OR10G8: variants seen among roughly 807,000 people sequenced by gnomAD.
The protein encoded by OR10G8 is olfactory receptor family 10 subfamily G member 8.
For synonymous variants in OR10G8, 173 were observed against 163.2 expected (o/e 1.06, Z -0.46); for missense variants, 386 against 384.9 (o/e 1.00, Z -0.02).
At position 124,030,576 on chromosome 11, in the gene OR10G8, A is replaced by G. The variant is rs1864150496; in HGVS notation, c.*18A>G. 1.3e-6 allele frequency: 2 copies of G among 1,537,830 alleles called. No homozygotes were observed. Among genetic ancestry groups the G allele is most frequent in the South Asian group, 1.3e-5 (1 of 78,286 alleles). The stretch of plus-strand genomic sequence containing the variant: ...GCAAATAGACACTAGGGAAGATTAC[A>G]TATCTTAGCTCTTGTGAATAGTGCT... On this transcript the variant is annotated 3_prime_UTR_variant, in exon 2 of 2. Transcript: ENST00000641224.
chr11:124,026,949 A>T (rs1179458179), intron 1 of OR10G8, 82 bp downstream of exon 1: 1 of 151,844 alleles, frequency 6.6e-6, no homozygotes, highest in African/African-American at 2.4e-5. Flanking sequence ...TAAATAAAAA[A>T]CTCTAAGGAA....
In OR10G8 at chr11:124,030,527, A is replaced by G. The variant is rs1322800347; in HGVS notation, c.905A>G (p.Lys302Arg). The G allele has an allele frequency of 6.2e-7, 1 of 1,602,156 alleles. No individual in the cohort carries two copies. The highest frequency in any genetic ancestry group is 8.5e-7 in the Non-Finnish European group (1 of 1,175,776). ...KEVKKALLKLKDKVAHSQSK is the reference protein window; with the variant it reads ...KEVKKALLKLRDKVAHSQSK ...GTGAAGAAAGCTCTGTTGAAGCTGA[A>G]AGACAAAGTAGCACATTCTCAGAGC... is the stretch of plus-strand genomic sequence containing the variant. The change falls in exon 2 of 2, where the codon AAA (lysine) becomes AGA (arginine). Residue 302 changes from lysine (K) to arginine (R), a missense_variant. By Grantham distance (26) the Lys-to-Arg change is conservative (BLOSUM62 2). Coordinates refer to ENST00000641224, the MANE Select transcript of OR10G8 (RefSeq NM_001004464.2).
rs1459305786 is a variant in OR10G8, at chr11:124,029,764, A to C, written c.142A>C (p.Arg48=). 1 of 1,613,982 alleles carries C rather than the reference A, an allele frequency of 6.2e-7. No homozygotes were observed. The highest frequency in any genetic ancestry group is 1.7e-5 in the Admixed American group (1 of 60,012). ...GAACCTCCTCATCCTGCTGGTGATC[A>C]GGGTGGATTCTCACCTCCACACCAC... ...LGNLLILLVI[R]VDSHLHTTMY... is the part of the protein sequence containing the mutation. Residue 48 remains arginine, a synonymous_variant, in exon 2 of 2, where the codon AGG becomes CGG. Transcript: ENST00000641224.
At position 124,030,350 on chromosome 11, in the gene OR10G8, A is replaced by C; in HGVS notation, c.728A>C (p.His243Pro). Residue 243 changes from histidine (H) to proline (P), a missense_variant, in exon 2 of 2, where the codon CAC (histidine) becomes CCC (proline). Transcript: ENST00000641224. ...AGAGCCTTTCAGACCTGTGCCTCCC[A>C]CTGTATCGTGGTCCTTTGCTTCTTT... ...KHRAFQTCASHCIVVLCFFGP... is the reference protein window; with the variant it reads ...KHRAFQTCASPCIVVLCFFGP... 2 of 1,614,152 alleles carry C rather than the reference A, an allele frequency of 1.2e-6. No individual in the cohort carries two copies. Among genetic ancestry groups the C allele is most frequent in the Admixed American group, 1.7e-5 (1 of 60,030 alleles).
At chr11:124,029,249 A>G (rs1008914761) in intron 1 of OR10G8, among the ~76,000 whole-genome samples, 2 of 152,060 alleles carry the variant, frequency 1.3e-5, no homozygotes, top group South Asian at 2.1e-4. Context: ...GTTGATTAAA[A>G]CCTGATGAGA....
Position 124,029,872 on chromosome 11 carries a change from G to A in OR10G8, c.250G>A (p.Val84Met), listed in dbSNP as rs755785992. Residue 84 changes from valine (V) to methionine (M), a missense_variant, in exon 2 of 2, where the codon GTG becomes ATG. Transcript: ENST00000641224. ...VTVPKLLMTL[V>M]FPSGRAISFH... ...GGTGCCCAAATTGCTGATGACTTTG[G>A]TGTTCCCAAGTGGCAGGGCTATCTC... is the stretch of plus-strand genomic sequence containing the variant. 19 of 1,614,014 alleles carry A rather than the reference G, an allele frequency of 1.2e-5. No individual in the cohort carries two copies. The highest frequency in any genetic ancestry group is 1.6e-5 in the Non-Finnish European group (19 of 1,180,040).
At position 124,030,574 on chromosome 11, in the gene OR10G8, A is replaced by G. The variant is rs376328829; in HGVS notation, c.*16A>G. On this transcript the variant is annotated 3_prime_UTR_variant, in exon 2 of 2. Transcript: ENST00000641224. Reference sequence around the variant, plus strand: ...GAGCAAATAGACACTAGGGAAGATTACATATCTTAGCTCTTGTGAATAGTG... The same window carrying G: ...GAGCAAATAGACACTAGGGAAGATTGCATATCTTAGCTCTTGTGAATAGTG... 2 of 1,543,158 alleles carry G rather than the reference A, an allele frequency of 1.3e-6. No homozygotes were observed. Among genetic ancestry groups the G allele is most frequent in the Non-Finnish European group, 1.7e-6 (2 of 1,145,740 alleles).
In OR10G8 at chr11:124,030,170, T is replaced by C. The variant is rs1330990286; in HGVS notation, c.548T>C (p.Ile183Thr). The C allele has an allele frequency of 1.2e-6, 2 of 1,614,046 alleles. No homozygotes were observed. The highest frequency in any genetic ancestry group is 1.7e-6 in the Non-Finnish European group (2 of 1,179,902). The change falls in exon 2 of 2, where the codon ATC (isoleucine) becomes ACC (threonine). Residue 183 changes from isoleucine (I) to threonine (T), a missense_variant. Coordinates refer to ENST00000641224, the MANE Select transcript of OR10G8 (RefSeq NM_001004464.2). ...CACTATTTGTGTGATGCACCGCCCA[T>C]CCTGAAACTGGCCTGTGCAGACACC... ...IQHYLCDAPP[I>T]LKLACADTSA... is the part of the protein sequence containing the mutation.
chr11:124,030,120 C>T lies in OR10G8; in HGVS notation c.498C>T (p.Pro166=). ...AVQAILTFHL[P]YCGPNWIQHY... ...AGGCCATATTGACTTTCCATTTGCC[C>T]TACTGTGGACCCAACTGGATCCAGC... The change falls in exon 2 of 2, where the codon CCC becomes CCT. Residue 166 remains proline (P), a synonymous_variant. Coordinates refer to ENST00000641224, the MANE Select transcript of OR10G8 (RefSeq NM_001004464.2). 2 of 1,614,018 alleles carry T rather than the reference C, an allele frequency of 1.2e-6. No individual in the cohort carries two copies. Among genetic ancestry groups the T allele is most frequent in the African/African-American group, 2.7e-5 (2 of 75,034 alleles).
In OR10G8 at chr11:124,030,131, C is replaced by T; in HGVS notation, c.509C>T (p.Pro170Leu). ...ILTFHLPYCG[P>L]NWIQHYLCDA... is the part of the protein sequence containing the mutation. ...ACTTTCCATTTGCCCTACTGTGGAC[C>T]CAACTGGATCCAGCACTATTTGTGT... Residue 170 changes from proline (P) to leucine (L), a missense_variant, in exon 2 of 2, where the codon CCC becomes CTC. Coordinates refer to ENST00000641224, the MANE Select transcript of OR10G8 (RefSeq NM_001004464.2). The T allele has an allele frequency of 6.2e-7, 1 of 1,613,998 alleles. No homozygotes were observed. The highest frequency in any genetic ancestry group is 1.7e-5 in the Admixed American group (1 of 60,016).
At chr11:124,026,906 A>G (rs1864112395) in intron 1 of OR10G8, 39 bp downstream of exon 1, 1 of 152,238 alleles carries the variant, frequency 6.6e-6, no homozygotes, top group Non-Finnish European at 1.5e-5. Context: ...ACAAATACTG[A>G]TTCCAGGAAG....
intron 1 of OR10G8, among the ~76,000 whole-genome samples, chr11:124,027,904 C>T (rs1404861093): frequency 4.6e-5 from 7 of 152,040 alleles, no homozygotes; most frequent in Admixed American, 3.9e-4. Context: ...AGCAAAGAAC[C>T]TTATTTTGGC....
intron 1 of OR10G8, 85 bp downstream of exon 1, chr11:124,026,952 C>T (rs1864112794): frequency 6.6e-6 from 1 of 152,196 alleles, no homozygotes; most frequent in African/African-American, 2.4e-5. Context: ...ATAAAAAACT[C>T]TAAGGAAATG....
Position 124,030,326 on chromosome 11 carries a change from G to T in OR10G8, c.704G>T (p.Arg235Ile), listed in dbSNP as rs1864147138. 1 of 1,614,114 alleles carries T rather than the reference G, an allele frequency of 6.2e-7. No individual in the cohort carries two copies. The highest frequency in any genetic ancestry group is 8.5e-7 in the Non-Finnish European group (1 of 1,180,036). ...LRIRTSEGKH[R>I]AFQTCASHCI... The stretch of plus-strand genomic sequence containing the variant: ...ATCCGCACCTCAGAGGGGAAGCACA[G>T]AGCCTTTCAGACCTGTGCCTCCCAC... Residue 235 changes from arginine (R) to isoleucine (I), a missense_variant, in exon 2 of 2, where the codon AGA becomes ATA. Coordinates refer to ENST00000641224, the MANE Select transcript of OR10G8 (RefSeq NM_001004464.2).
intron 1 of OR10G8, among the ~76,000 whole-genome samples, chr11:124,029,143 G>C (rs1164847090): frequency 6.6e-5 from 10 of 152,056 alleles, no homozygotes; most frequent in African/African-American, 2.2e-4. Flanking sequence ...TGGAACCTGA[G>C]TCCTAAAACT....
Position 124,029,750 on chromosome 11 carries a change from T to C in OR10G8, c.128T>C (p.Ile43Thr), listed in dbSNP as rs1864137395. 6.2e-7 allele frequency: 1 copy of C among 1,613,942 alleles called. No individual in the cohort carries two copies. The highest frequency in any genetic ancestry group is 1.7e-4 in the Middle Eastern group (1 of 6,058). The change falls in exon 2 of 2, where the codon ATC (isoleucine) becomes ACC (threonine). Residue 43 changes from isoleucine to threonine, a missense_variant. By Grantham distance (89) the Ile-to-Thr change is moderately conservative. Coordinates refer to ENST00000641224, the MANE Select transcript of OR10G8 (RefSeq NM_001004464.2). ...CTCACTGTGCTGGGGAACCTCCTCA[T>C]CCTGCTGGTGATCAGGGTGGATTCT... ...YVLTVLGNLLILLVIRVDSHL... is the reference protein window; with the variant it reads ...YVLTVLGNLLTLLVIRVDSHL...
At chr11:124,029,376 C>T (rs753663606) in intron 1 of OR10G8, among the ~76,000 whole-genome samples, 3 of 152,010 alleles carry the variant, frequency 2.0e-5, no homozygotes, top group Middle Eastern at 3.2e-3. Flanking sequence ...TAAGACAATG[C>T]GTTTCTCCTA....
At chr11:124,027,878 A>G (rs1395503351) in intron 1 of OR10G8, among the ~76,000 whole-genome samples, 4 of 152,178 alleles carry the variant, frequency 2.6e-5, no homozygotes, top group Non-Finnish European at 5.9e-5. Flanking sequence ...AATATTTTGT[A>G]TTAATATTAA....
rs2137564426 is a variant in OR10G8 at position 124,030,048 on chromosome 11, T to C, written c.426T>C (p.Leu142=). The change falls in exon 2 of 2, where the codon CTT becomes CTC. Residue 142 remains leucine (L), a synonymous_variant. Transcript: ENST00000641224. ...TSMMTGRSCT[L]LATSTWLSGS... ...TGATGACTGGGCGCTCGTGTACTCT[T>C]CTGGCCACCAGCACTTGGCTCAGTG... The C allele has an allele frequency of 1.9e-6, 3 of 1,614,092 alleles. No homozygotes were observed. Among genetic ancestry groups the C allele is most frequent in the Non-Finnish European group, 2.5e-6 (3 of 1,179,964 alleles).
Sources: gnomAD v4.1 joint callset for allele counts (sites outside exome capture counted in the v4.1 genomes callset) on GRCh38, gnomAD v4.1.1 for gene constraint, MANE v1.5 for transcripts, NCBI Gene and HGNC (gene_info 2026-07-23, HGNC 2026-07-21) for gene names.